ZFAND2B: variants seen among roughly 807,000 people sequenced by gnomAD.
ZFAND2B encodes the protein AN1-type zinc finger protein 2B.
In ZFAND2B, 27 loss-of-function variants were observed where a neutral mutation model predicts 38.2. The ratio of observed to expected loss-of-function variants is 0.71; its 90% CI spans 0.52 to 0.97. ZFAND2B has a LOEUF of 0.97. Ranked by LOEUF, ZFAND2B falls within the 50% of genes least tolerant of loss-of-function variation. ZFAND2B has a pLI of 0.00. For missense variants in ZFAND2B, 303 were observed against 331.5 expected, an observed-to-expected ratio of 0.91 and a Z score of 0.67; for synonymous variants, 111 against 119.4, an observed-to-expected ratio of 0.93 and a Z score of 0.46.
intron 8 of ZFAND2B, 84 bp from the exon 9 acceptor site, chr2:219,209,178 A>G (rs1266878188): frequency 1.3e-6 from 2 of 1,570,516 alleles, no homozygotes; most frequent in African/African-American, 2.7e-5. Flanking sequence ...ACTCCAGCCC[A>G]TGCTGAGCTC....
chr2:219,209,185 G>A, intron 8 of ZFAND2B, 77 bp from the exon 9 acceptor site: 2 of 1,568,612 alleles, frequency 1.3e-6, no homozygotes, highest in South Asian at 1.2e-5. Context: ...CCCATGCTGA[G>A]CTCTGAAATG....
At position 219,208,430 on chromosome 2, in the gene ZFAND2B, A is replaced by G; in HGVS notation, c.532A>G (p.Thr178Ala). ...MPSCTSPSRA[T>A]TRSPSWTAPP... ...CCTCTTCAATGTCTGTCGTAGAGCC[A>G]CAACCCGATCTCCGTCCTGGACAGC... The change falls in exon 6 of 9, where the codon ACA becomes GCA. Residue 178 changes from threonine (T) to alanine (A), a missense_variant. Coordinates refer to ENST00000289528, the MANE Select transcript of ZFAND2B (RefSeq NM_138802.3). 6.2e-7 allele frequency: 1 copy of G among 1,614,214 alleles called. No individual in the cohort carries two copies. The highest frequency in any genetic ancestry group is 1.1e-5 in the South Asian group (1 of 91,086).
Position 219,208,017 on chromosome 2 carries a change from G to A in ZFAND2B, c.413G>A (p.Gly138Glu), listed in dbSNP as rs776672485. ...CTGGACCATGATTGCTCTGGGGAGG[G>A]GCACCCAACCAGCCGGGCAGGGTAA... ...HPLDHDCSGE[G>E]HPTSRAGLAA... The change falls in exon 4 of 9, where the codon GGG becomes GAG. Residue 138 changes from glycine (G) to glutamate (E), a missense_variant. Coordinates refer to ENST00000289528, the MANE Select transcript of ZFAND2B (RefSeq NM_138802.3). 6 of 1,614,040 alleles carry A rather than the reference G, an allele frequency of 3.7e-6. No homozygotes were observed. The highest frequency in any genetic ancestry group is 2.2e-5 in the South Asian group (2 of 91,082).
rs1950490776 is a variant in ZFAND2B at position 219,206,879 on chromosome 2, G to A, written c.-109G>A. The A allele has an allele frequency of 4.0e-6, 5 of 1,252,886 alleles. No individual in the cohort carries two copies. Among genetic ancestry groups the A allele is most frequent in the Non-Finnish European group, 5.5e-6 (5 of 904,258 alleles). The allele number at this position is 1,252,886 out of a possible 1,614,324, so 77.6% of individuals were successfully genotyped here. A position where few individuals can be genotyped will look rare whatever the true frequency, so the allele number is the denominator to read the frequency against. ...GGCTGGGCGGGGGAGAGGAAGGGGC[G>A]GGGCAGGGAGCCCGCCAGAGTGCGG... On this transcript the variant is annotated 5_prime_UTR_variant, in exon 1 of 9. Coordinates refer to ENST00000289528, the MANE Select transcript of ZFAND2B (RefSeq NM_138802.3).
chr2:219,208,374 C>T lies in ZFAND2B; in HGVS notation c.527+26C>T, dbSNP rs1038527230. ...GTAGGCCTGCCCGTTTCCCTGCTCC[C>T]CCTTTTTCCCCTTCACACCTCTGAC... is the stretch of plus-strand genomic sequence containing the variant. On this transcript the variant is annotated intron_variant, in intron 5 of 8. Transcript: ENST00000289528. 5.0e-6 allele frequency: 8 copies of T among 1,614,182 alleles called. 1 individual carries two copies. The Admixed American group carries it at 5.0e-5, about 10-fold the overall frequency.
Position 219,207,929 on chromosome 2 carries a change from G to C in ZFAND2B, c.325G>C (p.Glu109Gln), listed in dbSNP as rs1950513260. The change falls in exon 4 of 9, where the codon GAA becomes CAA. Residue 109 changes from glutamate to glutamine, a missense_variant. Glu to Gln is a conservative substitution (Grantham distance 29). Coordinates refer to ENST00000289528, the MANE Select transcript of ZFAND2B (RefSeq NM_138802.3). ...TGAACGCGCTGGCTGCCGGCAGCGA[G>C]AAATGATGAAACTGACCTGTGAACG... ...KCERAGCRQREMMKLTCERCS... is the reference protein window; with the variant it reads ...KCERAGCRQRQMMKLTCERCS... 2 of 1,614,052 alleles carry C rather than the reference G, an allele frequency of 1.2e-6. No individual in the cohort carries two copies. The highest frequency in any genetic ancestry group is 1.1e-5 in the South Asian group (1 of 91,086).
chr2:219,208,101 CTGT>C (rs1254759012), intron 4 of ZFAND2B, 63 bp downstream of exon 4: 3 of 1,610,982 alleles, frequency 1.9e-6, no homozygotes, highest in South Asian at 1.1e-5. Context: ...GACTCAAGCT[CTGT>C]TGTTATAAAT....
In ZFAND2B at chr2:219,207,407, T is replaced by G. The variant is rs1950502827; in HGVS notation, c.136T>G (p.Ser46Ala). The change falls in exon 2 of 9, where the codon TCT (serine) becomes GCT (alanine). Residue 46 changes from serine (S) to alanine (A), a missense_variant. By Grantham distance (99) the Ser-to-Ala change is moderately conservative. Coordinates refer to ENST00000289528, the MANE Select transcript of ZFAND2B (RefSeq NM_138802.3). ...GGCCTACGCCCAGCATCACTGTGGA[T>G]CTGCTTACCAAAAGGTGAGGGGGCG... ...HVAYAQHHCG[S>A]AYQKDIQVPV... The G allele has an allele frequency of 6.2e-7, 1 of 1,610,432 alleles. No individual in the cohort carries two copies. Among genetic ancestry groups the G allele is most frequent in the Non-Finnish European group, 8.5e-7 (1 of 1,176,894 alleles).
chr2:219,208,569 T>A lies in ZFAND2B; in HGVS notation c.589-3T>A. Reference sequence around the variant, plus strand: ...GACGCTGGTCTTCTTTCTCCCTTTGTAGAGTGAGGATGAAGCTCTGCAGCG... The same window carrying A: ...GACGCTGGTCTTCTTTCTCCCTTTGAAGAGTGAGGATGAAGCTCTGCAGCG... On this transcript the variant is annotated splice_polypyrimidine_tract_variant and splice_region_variant and intron_variant, in intron 6 of 8. Coordinates refer to ENST00000289528, the MANE Select transcript of ZFAND2B (RefSeq NM_138802.3). 1 of 1,614,196 alleles carries A rather than the reference T, an allele frequency of 6.2e-7. No individual in the cohort carries two copies. The highest frequency in any genetic ancestry group is 8.5e-7 in the Non-Finnish European group (1 of 1,180,032).
chr2:219,206,821 G>C lies in ZFAND2B; in HGVS notation c.-167G>C. Reference sequence around the variant, plus strand: ...CGCGCCGAGGGAGGAGCGGGCGCCGGGGGCCGGCTGGCGCGGGGGCTCCGG... The same window carrying C: ...CGCGCCGAGGGAGGAGCGGGCGCCGCGGGCCGGCTGGCGCGGGGGCTCCGG... On this transcript the variant is annotated 5_prime_UTR_variant, in exon 1 of 9. Transcript: ENST00000289528. 2 of 669,424 alleles carry C rather than the reference G, an allele frequency of 3.0e-6. No individual in the cohort carries two copies. The highest frequency in any genetic ancestry group is 6.7e-5 in the South Asian group (2 of 29,700). 41.5% of individuals were successfully genotyped at this position (669,424 alleles called of 1,614,324 possible).
At position 219,209,638 on chromosome 2, in the gene ZFAND2B, G is replaced by A. The variant is rs1273222886; in HGVS notation, c.*332G>A. 2 of 629,088 alleles carry A rather than the reference G, an allele frequency of 3.2e-6. No homozygotes were observed. Among genetic ancestry groups the A allele is most frequent in the Non-Finnish European group, 5.9e-6 (2 of 338,088 alleles). 39.0% of individuals were successfully genotyped at this position (629,088 alleles called of 1,614,324 possible). A position where few individuals can be genotyped will look rare whatever the true frequency, so the allele number is the denominator to read the frequency against. On this transcript the variant is annotated 3_prime_UTR_variant, in exon 9 of 9. Transcript: ENST00000289528. ...GAAAAAATAAAGGATCTTGGCAGTT[G>A]ATAAAACGTACAAGTGGTGTGTTTC...
At chr2:219,208,916 G>C in intron 7 of ZFAND2B, 61 bp from the exon 8 acceptor site, 1 of 1,556,166 alleles carries the variant, frequency 6.4e-7, no homozygotes, top group African/African-American at 1.4e-5. Context: ...AACACACACA[G>C]ATCAGATGTT....
chr2:219,207,304 G>C lies in ZFAND2B; in HGVS notation c.56-23G>C, dbSNP rs372685650. The C allele has an allele frequency of 1.9e-6, 3 of 1,611,794 alleles. No individual in the cohort carries two copies. In the African/African-American group the frequency reaches 4.0e-5, roughly 22 times the overall value. The stretch of plus-strand genomic sequence containing the variant: ...AGGACATCGAGGTCCCGCTGGACCT[G>C]CAATCCGACCAACTCTTTGCAGATT... On this transcript the variant is annotated intron_variant, in intron 1 of 8. Transcript: ENST00000289528.
rs1559232282 is a variant in ZFAND2B at position 219,208,426 on chromosome 2, A to G, written c.528A>G (p.Arg176=). The change falls in exon 6 of 9, where the codon AGA becomes AGG. Residue 176 remains arginine (R), a splice_region_variant and synonymous_variant. Coordinates refer to ENST00000289528, the MANE Select transcript of ZFAND2B (RefSeq NM_138802.3). ...QTMPSCTSPS[R]ATTRSPSWTA... The stretch of plus-strand genomic sequence containing the variant: ...TCCACCTCTTCAATGTCTGTCGTAG[A>G]GCCACAACCCGATCTCCGTCCTGGA... 3.1e-6 allele frequency: 5 copies of G among 1,614,208 alleles called. No individual in the cohort carries two copies. Among genetic ancestry groups the G allele is most frequent in the Non-Finnish European group, 3.4e-6 (4 of 1,180,046 alleles).
At position 219,208,297 on chromosome 2, in the gene ZFAND2B, G is replaced by A; in HGVS notation, c.476G>A (p.Ser159Asn). ...ISRAQAVAST[S>N]TVPSPSQTMP... ...AGAGCACAAGCTGTGGCTTCTACAA[G>A]CACTGTCCCCAGCCCAAGTCAAACC... is the stretch of plus-strand genomic sequence containing the variant. The change falls in exon 5 of 9, where the codon AGC (serine) becomes AAC (asparagine). Residue 159 changes from serine to asparagine, a missense_variant. Physicochemically the swap from Ser to Asn is conservative, Grantham distance 46 (BLOSUM62 1). Coordinates refer to ENST00000289528, the MANE Select transcript of ZFAND2B (RefSeq NM_138802.3). The A allele has an allele frequency of 6.2e-7, 1 of 1,614,134 alleles. No homozygotes were observed. The highest frequency in any genetic ancestry group is 8.5e-7 in the Non-Finnish European group (1 of 1,180,014).
At position 219,208,361 on chromosome 2, in the gene ZFAND2B, G is replaced by A. The variant is rs367763931; in HGVS notation, c.527+13G>A. On this transcript the variant is annotated intron_variant, in intron 5 of 8. Coordinates refer to ENST00000289528, the MANE Select transcript of ZFAND2B (RefSeq NM_138802.3). ...CCTCTCCCAGCAGGTAGGCCTGCCC[G>A]TTTCCCTGCTCCCCCTTTTTCCCCT... 24 of 1,613,984 alleles carry A rather than the reference G, an allele frequency of 1.5e-5. No homozygotes were observed. The highest frequency in any genetic ancestry group is 1.1e-4 in the East Asian group (5 of 44,894).
rs897808565 is a variant in ZFAND2B at position 219,206,817 on chromosome 2, G to T, written c.-171G>T. On this transcript the variant is annotated 5_prime_UTR_variant, in exon 1 of 9. Coordinates refer to ENST00000289528, the MANE Select transcript of ZFAND2B (RefSeq NM_138802.3). The stretch of plus-strand genomic sequence containing the variant: ...CGCGCGCGCCGAGGGAGGAGCGGGC[G>T]CCGGGGGCCGGCTGGCGCGGGGGCT... The T allele has an allele frequency of 1.6e-6, 1 of 624,960 alleles. No individual in the cohort carries two copies. Among genetic ancestry groups the T allele is most frequent in the Non-Finnish European group, 2.5e-6 (1 of 405,664 alleles). The allele number at this position is 624,960 out of a possible 1,614,324, so 38.7% of individuals were successfully genotyped here. A position where few individuals can be genotyped will look rare whatever the true frequency, so the allele number is the denominator to read the frequency against.
chr2:219,207,069 G>A (rs781192030), intron 1 of ZFAND2B, 27 bp downstream of exon 1: 4 of 1,583,138 alleles, frequency 2.5e-6, no homozygotes, highest in East Asian at 2.3e-5. Context: ...GCGGGGGGCG[G>A]GGCCCAGCGG....
intron 4 of ZFAND2B, 102 bp downstream of exon 4, chr2:219,208,140 G>A: frequency 1.9e-6 from 3 of 1,596,254 alleles, no homozygotes; most frequent in Non-Finnish European, 1.7e-6. Flanking sequence ...CTACCCTGTC[G>A]GCTAGGGGAG....
Sources: gnomAD v4.1 joint callset for allele counts on GRCh38, gnomAD v4.1.1 for gene constraint, MANE v1.5 for transcripts, NCBI Gene and HGNC (gene_info 2026-07-23, HGNC 2026-07-21) for gene names.